Variants in COL4A4 observed in about 807,000 individuals in gnomAD.
COL4A4 encodes the protein collagen type IV alpha 4 chain.
Under a neutral mutation model 192.9 loss-of-function variants are expected in COL4A4, and 105 were observed. The ratio of observed to expected loss-of-function variants is 0.54; its 90% CI spans 0.46 to 0.64. The LOEUF (loss-of-function observed/expected upper bound fraction) is 0.64. Among genes scored for constraint, COL4A4 ranks in the 30% least tolerant of loss-of-function variants. COL4A4 has a pLI of 0.00. For missense variants in COL4A4, 1,967 were observed against 2,169.3 expected (o/e 0.91, Z 1.85); for synonymous variants, 762 against 769.9 (o/e 0.99, Z 0.17).
At chr2:227,031,734 G>C (rs1052747031) in intron 40 of COL4A4, among the ~76,000 whole-genome samples, 1 of 152,156 alleles carries the variant, frequency 6.6e-6, no homozygotes, top group Non-Finnish European at 1.5e-5. Context: ...TGAAATTGAA[G>C]AGAGGGCCAA....
chr2:227,058,968 C>T (rs540432692), intron 28 of COL4A4, among the ~76,000 whole-genome samples: 22 of 152,300 alleles, frequency 1.4e-4, no homozygotes, highest in Non-Finnish European at 2.5e-4. Context: ...TGTGCGAAGA[C>T]AGCTTGTCCT....
At chr2:227,145,631 G>A (rs761532778) in intron 2 of COL4A4, among the ~76,000 whole-genome samples, 36 of 152,144 alleles carry the variant, frequency 2.4e-4, no homozygotes, top group Non-Finnish European at 4.4e-4. Flanking sequence ...TGATTTATCT[G>A]CCATCCTTGT....
chr2:227,066,881 G>T (rs1391710779), intron 25 of COL4A4, among the ~76,000 whole-genome samples: 1 of 151,446 alleles, frequency 6.6e-6, no homozygotes, highest in African/African-American at 2.4e-5. Flanking sequence ...AACTTTAAAT[G>T]TAAATGGACT....
At chr2:226,994,454 G>T in the COL4A4 span, among the ~76,000 whole-genome samples, 3 of 152,320 alleles carry the variant, frequency 2.0e-5, no homozygotes, top group East Asian at 5.8e-4. Flanking sequence ...TTCTATCGGG[G>T]TTGACCTAGC....
At position 227,030,588 on chromosome 2, in the gene COL4A4, C is replaced by A. The variant is rs765644543; in HGVS notation, c.3828G>T (p.Gly1276=). The change falls in exon 41 of 48, where the codon GGG becomes GGT. Residue 1276 remains glycine (G), a synonymous_variant. Coordinates refer to ENST00000396625, the MANE Select transcript of COL4A4 (RefSeq NM_000092.5). The stretch of plus-strand genomic sequence containing the variant: ...CAACACTCCCAGGGAGGCCTGGAGG[C>A]CCAGGTGCTCCTGACCACAGAGAAG... ...PGPDGPRGAP[G]PPGLPGSVDL... is the part of the protein sequence containing the mutation. 6.2e-7 allele frequency: 1 copy of A among 1,604,492 alleles called. No individual in the cohort carries two copies. The highest frequency in any genetic ancestry group is 8.5e-7 in the Non-Finnish European group (1 of 1,176,280).
the COL4A4 span, among the ~76,000 whole-genome samples, chr2:226,974,665 G>T: frequency 6.6e-6 from 1 of 152,144 alleles, no homozygotes; most frequent in African/African-American, 2.4e-5. Flanking sequence ...TAAAATAAAT[G>T]GGAAGGTACC....
At chr2:227,080,305 G>A in intron 24 of COL4A4, 138 bp downstream of exon 24, 1 of 796,278 alleles carries the variant, frequency 1.3e-6, no homozygotes, top group Non-Finnish European at 2.2e-6. Flanking sequence ...CCATGTCAGG[G>A]TGCCAAAAGT....
intron 1 of COL4A4, among the ~76,000 whole-genome samples, chr2:227,159,604 G>A (rs2064653707): frequency 6.6e-6 from 1 of 152,172 alleles, no homozygotes; most frequent in Admixed American, 6.5e-5. Flanking sequence ...CCAGTGGGAG[G>A]TAATTGAATC....
At chr2:227,068,683 C>G (rs986143539) in intron 25 of COL4A4, among the ~76,000 whole-genome samples, 1 of 151,654 alleles carries the variant, frequency 6.6e-6, no homozygotes, top group African/African-American at 2.4e-5. Flanking sequence ...ATGCTAAAAA[C>G]TCTCAATAAA....
chr2:227,045,095 G>A (rs902496178), intron 35 of COL4A4, among the ~76,000 whole-genome samples: 4 of 152,078 alleles, frequency 2.6e-5, no homozygotes, highest in Non-Finnish European at 4.4e-5. Flanking sequence ...CCTATCTTTG[G>A]GGTTTACATA....
chr2:227,134,869 C>T (rs1177141334), intron 4 of COL4A4, among the ~76,000 whole-genome samples: 1 of 152,182 alleles, frequency 6.6e-6, no homozygotes, highest in African/African-American at 2.4e-5. Flanking sequence ...GTTAATTTTG[C>T]AATTGTTATA....
intron 22 of COL4A4, among the ~76,000 whole-genome samples, chr2:227,084,033 T>C (rs1054276798): frequency 6.6e-6 from 1 of 152,232 alleles, no homozygotes; most frequent in Non-Finnish European, 1.5e-5. Context: ...CACTCTAGTA[T>C]AGCATCCTGT....
intron 44 of COL4A4, 45 bp from the exon 45 acceptor site, chr2:227,012,342 C>T (rs1199501181): frequency 6.8e-7 from 1 of 1,464,894 alleles, no homozygotes; most frequent in African/African-American, 1.4e-5. Flanking sequence ...AACCATGACA[C>T]CTGCTAGCAT....
In COL4A4 at chr2:227,005,047, CT is replaced by C. The variant is rs1961796006; in HGVS notation, c.*2277del. The C allele has an allele frequency of 6.6e-6, 1 of 152,096 alleles. No homozygotes were observed. Among genetic ancestry groups the C allele is most frequent in the Admixed American group, 6.5e-5 (1 of 15,268 alleles). 9.4% of individuals were successfully genotyped at this position (152,096 alleles called of 1,614,324 possible). A position where few individuals can be genotyped will look rare whatever the true frequency, so the allele number is the denominator to read the frequency against. On this transcript the variant is annotated 3_prime_UTR_variant, in exon 48 of 48. Transcript: ENST00000396625. ...TATTCCAAGAAGTTATTTTTCCGCC[CT>C]TTTGATCCTTTAAAATACTTTTGTA...
intron 19 of COL4A4, among the ~76,000 whole-genome samples, chr2:227,096,797 C>T (rs2060226998): frequency 1.3e-5 from 2 of 152,132 alleles, no homozygotes; most frequent in Non-Finnish European, 2.9e-5. Flanking sequence ...CACTGTACCA[C>T]ATTATACTAT....
intron 31 of COL4A4, among the ~76,000 whole-genome samples, chr2:227,052,861 T>A (rs1349054459): frequency 6.6e-6 from 1 of 152,182 alleles, no homozygotes; most frequent in African/African-American, 2.4e-5. Context: ...CCCCTCACAC[T>A]GACTTCTGAA....
intron 4 of COL4A4, among the ~76,000 whole-genome samples, chr2:227,135,293 A>T (rs538722405): frequency 6.6e-6 from 1 of 152,108 alleles, no homozygotes; most frequent in African/African-American, 2.4e-5. Flanking sequence ...CTGAACCCGA[A>T]AAAGATCAAG....
chr2:227,160,456 G>T (rs1185894378), intron 1 of COL4A4, among the ~76,000 whole-genome samples: 1 of 152,104 alleles, frequency 6.6e-6, no homozygotes, highest in Non-Finnish European at 1.5e-5. Context: ...TTTTACTTTA[G>T]CACATTCTCT....
the COL4A4 span, among the ~76,000 whole-genome samples, chr2:226,969,613 C>T: frequency 3.3e-5 from 5 of 152,038 alleles, no homozygotes; most frequent in African/African-American, 7.2e-5. Flanking sequence ...ACGTGAGTCC[C>T]GTTTGACAGA....
Sources: allele counts gnomAD v4.1 joint callset (sites outside exome capture counted in the v4.1 genomes callset), GRCh38; gene constraint gnomAD v4.1.1; transcripts MANE v1.5; gene names NCBI Gene and HGNC (gene_info 2026-07-23, HGNC 2026-07-21).